Variants in LINC00305 observed in about 807,000 individuals in gnomAD.
LINC00305 encodes the protein long independently transcribed non-coding RNA 305, also known as long intergenic non-protein coding RNA 305.
At chr18:64,086,895 A>C (rs1185010429) in intron 3 of LINC00305, among the ~76,000 whole-genome samples, 1 of 152,218 alleles carries the variant, frequency 6.6e-6, no homozygotes, top group African/African-American at 2.4e-5. Context: ...GTGGCATTTC[A>C]CACTTCTTTC....
intron 1 of LINC00305, among the ~76,000 whole-genome samples, chr18:64,114,969 C>A (rs985702574): frequency 6.6e-6 from 1 of 152,210 alleles, no homozygotes; most frequent in Non-Finnish European, 1.5e-5. Context: ...CTTCTACACA[C>A]CCTTCTCCCT....
intron 1 of LINC00305, chr18:64,127,420 G>A (rs989191948): frequency 6.6e-6 from 1 of 152,052 alleles, no homozygotes; most frequent in Non-Finnish European, 1.5e-5. Context: ...GTGAGGTACG[G>A]TGCCAAGGCC....
At chr18:64,139,115 C>A (rs1287355152) in intron 1 of LINC00305, among the ~76,000 whole-genome samples, 2 of 152,162 alleles carry the variant, frequency 1.3e-5, no homozygotes, top group Admixed American at 6.5e-5. Flanking sequence ...CACTCCACCT[C>A]CAATCAAAAA....
At chr18:64,147,434 C>T (rs1351149974) in intron 1 of LINC00305, 1 of 152,156 alleles carries the variant, frequency 6.6e-6, no homozygotes, top group African/African-American at 2.4e-5. Context: ...CCCTAAGAAA[C>T]TCCACAATGC....
chr18:64,117,093 G>A (rs556911741), intron 1 of LINC00305, among the ~76,000 whole-genome samples: 1 of 152,298 alleles, frequency 6.6e-6, no homozygotes, highest in Non-Finnish European at 1.5e-5. Flanking sequence ...TCCGGTGGCT[G>A]AAGACAAAGC....
At chr18:64,080,388 G>A (rs1190824501) in exon 4 of LINC00305, 5 of 456,144 alleles carry the variant, frequency 1.1e-5, no homozygotes, top group Non-Finnish European at 1.8e-5. Flanking sequence ...CCTTTTGAAA[G>A]GTTCTTCCTG....
At chr18:64,099,081 C>T (rs1293275315) in intron 1 of LINC00305, among the ~76,000 whole-genome samples, 2 of 152,080 alleles carry the variant, frequency 1.3e-5, no homozygotes, top group Non-Finnish European at 1.5e-5. Context: ...TCCTGTTGAC[C>T]TTCTCCTTCT....
intron 3 of LINC00305, among the ~76,000 whole-genome samples, chr18:64,083,554 A>ACCCC (rs2051192610): frequency 6.6e-6 from 1 of 152,188 alleles, no homozygotes; most frequent in South Asian, 2.1e-4. Context: ...CACACCAGAA[A>ACCCC]CTTTATGTAC....
intron 1 of LINC00305, among the ~76,000 whole-genome samples, chr18:64,122,262 C>T (rs2051365202): frequency 6.6e-6 from 1 of 152,002 alleles, no homozygotes; most frequent in Non-Finnish European, 1.5e-5. Context: ...TTACCTAGAC[C>T]AATGTCCAGA....
At chr18:64,089,128 A>G (rs2051215331) in intron 3 of LINC00305, among the ~76,000 whole-genome samples, 1 of 152,148 alleles carries the variant, frequency 6.6e-6, no homozygotes, top group Non-Finnish European at 1.5e-5. Flanking sequence ...TTGAATCGTA[A>G]TCTGAATTTT....
chr18:64,143,579 T>TGTGTACATATAG (rs2051477331), intron 1 of LINC00305, among the ~76,000 whole-genome samples: 1 of 111,914 alleles, frequency 8.9e-6, no homozygotes, highest in Admixed American at 8.1e-5. Flanking sequence ...CACATATGTA[T>TGTGTACATATAG]ATGTACATAT....
chr18:64,145,706 G>A (rs564890755), intron 1 of LINC00305, among the ~76,000 whole-genome samples: 257 of 152,250 alleles, frequency 1.7e-3, no homozygotes, highest in African/African-American at 4.3e-3. Flanking sequence ...ATGAGCCACC[G>A]CATCTGGCCA....
chr18:64,113,496 G>C (rs897594714), intron 1 of LINC00305, among the ~76,000 whole-genome samples: 9 of 152,228 alleles, frequency 5.9e-5, no homozygotes, highest in African/African-American at 1.9e-4. Flanking sequence ...CCTTTCCCCA[G>C]GTGGCTTGCA....
chr18:64,112,694 G>A (rs918581185), intron 1 of LINC00305, among the ~76,000 whole-genome samples: 1 of 151,896 alleles, frequency 6.6e-6, no homozygotes, highest in Admixed American at 6.5e-5. Flanking sequence ...TACAAATCTT[G>A]CCTATCTTCA....
rs115088445 is a variant in LINC00305 at position 64,131,622 on chromosome 18, A to G, written n.314+17153T>C. On this transcript the variant is annotated intron_variant and non_coding_transcript_variant, in intron 1 of 3. Coordinates refer to ENST00000666468, the Ensembl canonical transcript of LINC00305. ...GCATCTGTCCATGAAGGGCTCAAAC[A>G]GCATTTATATAATGGTTTCTCACAA... Among the ~76,000 whole-genome samples, 1,467 of 152,330 alleles carry G rather than the reference A, an allele frequency of 9.6e-3. 29 individuals carry two copies. The highest frequency in any genetic ancestry group is 0.033 in the African/African-American group (1,387 of 41,580).
chr18:64,125,861 A>C (rs1035711704), intron 1 of LINC00305, among the ~76,000 whole-genome samples: 3 of 152,106 alleles, frequency 2.0e-5, no homozygotes, highest in African/African-American at 7.2e-5. Context: ...TATTGCAGTA[A>C]TTATAAAAGG....
chr18:64,083,025 A>T (rs2051190666), intron 3 of LINC00305, among the ~76,000 whole-genome samples: 1 of 152,054 alleles, frequency 6.6e-6, no homozygotes, highest in Non-Finnish European at 1.5e-5. Context: ...ATTGTATTAA[A>T]AATTTTACTC....
rs1470122092 is a variant in LINC00305, at chr18:64,097,976, G to A, written n.398C>T. ...TCTCCTGCTTTCCCTTTTCATCTTT[G>A]CAGGTCGCAGAGATGGCTACTGAGA... is the stretch of plus-strand genomic sequence containing the variant. On this transcript the variant is annotated non_coding_transcript_exon_variant, in exon 3 of 4. Coordinates refer to ENST00000666468, the Ensembl canonical transcript of LINC00305. The A allele has an allele frequency of 1.3e-5, 6 of 457,674 alleles. No homozygotes were observed. In the East Asian group the frequency reaches 3.5e-4, roughly 26 times the overall value. The allele number at this position is 457,674 out of a possible 1,614,324, so 28.4% of individuals were successfully genotyped here.
chr18:64,083,959 C>A (rs948058267), intron 3 of LINC00305, among the ~76,000 whole-genome samples: 7 of 152,124 alleles, frequency 4.6e-5, no homozygotes, highest in Admixed American at 3.3e-4. Context: ...AGGGAGGATC[C>A]CCATGCTGGG....
Sources: gnomAD v4.1 joint callset for allele counts (sites outside exome capture counted in the v4.1 genomes callset) on GRCh38, gnomAD v4.1.1 for gene constraint, MANE v1.5 for transcripts, NCBI Gene and HGNC (gene_info 2026-07-23, HGNC 2026-07-21) for gene names.